ACVR1: variants seen among roughly 807,000 people sequenced by gnomAD.
ACVR1 encodes activin receptor type-1.
A neutral mutation model predicts 57.1 loss-of-function variants in ACVR1; 38 were observed. The ratio of observed to expected loss-of-function variants is 0.67; its 90% CI spans 0.51 to 0.87. ACVR1 has a LOEUF of 0.87. Ranked by LOEUF, ACVR1 falls within the 40% of genes least tolerant of loss-of-function variation. The probability of loss-of-function intolerance (pLI) is 0.00; values close to 1 mark genes in which losing one functional copy is unlikely to be tolerated. For missense variants in ACVR1, 463 were observed against 638.2 expected, an observed-to-expected ratio of 0.73 and a Z score of 2.96; for synonymous variants, 212 against 228.1, an observed-to-expected ratio of 0.93 and a Z score of 0.63.
chr2:157,837,801 AAGGAGGAGGAGGAGGAG>A (rs1235456104), intron 1 of ACVR1, among the ~76,000 whole-genome samples: 5 of 151,824 alleles, frequency 3.3e-5, no homozygotes, highest in Non-Finnish European at 7.4e-5. Context: ...GTAGGAGGAG[AAGGAGGAGGAGGAGGAG>A]AGGAGGAGGT....
chr2:157,858,028 CA>C (rs1689593886), intron 1 of ACVR1, among the ~76,000 whole-genome samples: 1 of 151,680 alleles, frequency 6.6e-6, no homozygotes, highest in African/African-American at 2.4e-5. Context: ...GCTTTTTCGT[CA>C]GTAAAAACTT....
intron 1 of ACVR1, among the ~76,000 whole-genome samples, chr2:157,844,572 G>A (rs889907849): frequency 1.9e-4 from 29 of 152,192 alleles, no homozygotes; most frequent in Admixed American, 4.6e-4. Flanking sequence ...ATCACACCAG[G>A]ATTTTTACTT....
chr2:157,817,301 T>G (rs1687973836), intron 2 of ACVR1, among the ~76,000 whole-genome samples: 1 of 151,966 alleles, frequency 6.6e-6, no homozygotes, highest in Non-Finnish European at 1.5e-5. Flanking sequence ...CCACGGGAAA[T>G]GTATTATTAA....
chr2:157,785,888 G>A (rs536828097), intron 3 of ACVR1, among the ~76,000 whole-genome samples: 7 of 152,034 alleles, frequency 4.6e-5, no homozygotes, highest in Non-Finnish European at 1.0e-4. Context: ...TGACTCTCTC[G>A]GGCTTCCATC....
chr2:157,760,941 C>T lies in ACVR1; in HGVS notation c.1203G>A (p.Arg401=). The T allele has an allele frequency of 3.1e-6, 5 of 1,614,134 alleles. No individual in the cohort carries two copies. Among genetic ancestry groups the T allele is most frequent in the Non-Finnish European group, 3.4e-6 (4 of 1,180,008 alleles). Residue 401 remains arginine (R), a synonymous_variant, in exon 9 of 11, where the codon AGG becomes AGA. Transcript: ENST00000434821. The stretch of plus-strand genomic sequence containing the variant: ...CAAGTCCAAAGGCCCAAATATCGAC[C>T]CTTTTATAAGAATCGAAACAATCCA... ...IQVDCFDSYK[R]VDIWAFGLVL...
At chr2:157,834,781 G>A (rs760149355) in intron 1 of ACVR1, among the ~76,000 whole-genome samples, 34 of 152,118 alleles carry the variant, frequency 2.2e-4, no homozygotes, top group Non-Finnish European at 4.0e-4. Context: ...GATGACATTA[G>A]GAAGTGAGGC....
At chr2:157,872,053 A>T (rs1690129915) in intron 1 of ACVR1, among the ~76,000 whole-genome samples, 1 of 152,238 alleles carries the variant, frequency 6.6e-6, no homozygotes. Context: ...TGAGGAGGTA[A>T]ATCTTCCATT....
intron 1 of ACVR1, among the ~76,000 whole-genome samples, chr2:157,873,498 G>A (rs756039413): frequency 1.1e-4 from 17 of 152,124 alleles, no homozygotes; most frequent in Non-Finnish European, 2.1e-4. Flanking sequence ...GCATGAGATC[G>A]CTTCACATAA....
At chr2:157,842,274 C>T (rs1484529677) in intron 1 of ACVR1, among the ~76,000 whole-genome samples, 2 of 152,150 alleles carry the variant, frequency 1.3e-5, no homozygotes, top group African/African-American at 4.8e-5. Flanking sequence ...ATCTCTCTTC[C>T]AACCAACTTC....
intron 1 of ACVR1, among the ~76,000 whole-genome samples, chr2:157,848,591 A>C (rs548200030): frequency 1.3e-5 from 2 of 152,216 alleles, no homozygotes; most frequent in African/African-American, 2.4e-5. Context: ...TGTGAGCACA[A>C]TAAAATGGTT....
intron 9 of ACVR1, among the ~76,000 whole-genome samples, chr2:157,751,141 G>A (rs1685176977): frequency 1.3e-5 from 2 of 152,372 alleles, no homozygotes; most frequent in South Asian, 4.1e-4. Flanking sequence ...AACTGTGAAA[G>A]TGGGAAAGGA....
At chr2:157,774,230 T>C (rs535725968) in intron 5 of ACVR1, 43 bp from the exon 6 acceptor site, 1 of 1,501,340 alleles carries the variant, frequency 6.7e-7, no homozygotes, top group East Asian at 2.3e-5. Context: ...TTGAGCAATA[T>C]AGCTCCCACT....
chr2:157,859,942 G>A (rs1016643677), intron 1 of ACVR1: 1 of 151,980 alleles, frequency 6.6e-6, no homozygotes, highest in Non-Finnish European at 1.5e-5. Context: ...ATTTCCACAG[G>A]TATAATTGCT....
At chr2:157,823,460 C>T (rs1688225920) in intron 1 of ACVR1, among the ~76,000 whole-genome samples, 2 of 151,820 alleles carry the variant, frequency 1.3e-5, no homozygotes, top group South Asian at 4.2e-4. Flanking sequence ...GAAAAAAAAG[C>T]CGGGGAACGA....
intron 3 of ACVR1, among the ~76,000 whole-genome samples, chr2:157,793,537 T>C (rs1686998881): frequency 6.6e-6 from 1 of 152,340 alleles, no homozygotes; most frequent in East Asian, 1.9e-4. Flanking sequence ...AAAAGTATGA[T>C]GCTTCATCAG....
chr2:157,799,017 C>G (rs113717530), intron 3 of ACVR1, among the ~76,000 whole-genome samples: 3,403 of 152,122 alleles, frequency 0.022, 122 homozygotes, highest in African/African-American at 0.078. Flanking sequence ...CTGCCTCAGC[C>G]TCCCAAGTAG....
chr2:157,789,024 CT>C (rs1686815253), intron 3 of ACVR1, among the ~76,000 whole-genome samples: 2 of 152,282 alleles, frequency 1.3e-5, no homozygotes, highest in African/African-American at 4.8e-5. Context: ...CTTCTTTCCC[CT>C]ATCAGTCTAA....
chr2:157,814,420 T>TA (rs1356461082), intron 2 of ACVR1, among the ~76,000 whole-genome samples: 1 of 152,170 alleles, frequency 6.6e-6, no homozygotes, highest in Non-Finnish European at 1.5e-5. Context: ...TAAAGCACAT[T>TA]AAACTGCCAT....
chr2:157,822,196 CA>C, intron 1 of ACVR1, among the ~76,000 whole-genome samples: 1 of 152,206 alleles, frequency 6.6e-6, no homozygotes, highest in African/African-American at 2.4e-5. Flanking sequence ...GATATGGTAG[CA>C]AGAACATGGA....
Sources: gnomAD v4.1 joint callset for allele counts (sites outside exome capture counted in the v4.1 genomes callset) on GRCh38, gnomAD v4.1.1 for gene constraint, MANE v1.5 for transcripts, NCBI Gene and HGNC (gene_info 2026-07-23, HGNC 2026-07-21) for gene names.